Variants in CRPPA observed in about 807,000 individuals in gnomAD.
CRPPA encodes the protein CDP-L-ribitol pyrophosphorylase A, also known as D-ribitol-5-phosphate cytidylyltransferase.
CRPPA carries 43 observed loss-of-function variants against 52.0 expected under a neutral mutation model. The observed-to-expected ratio is 0.83, with a 90% confidence interval of 0.65 to 1.07. The LOEUF is 1.07. Among genes scored for constraint, CRPPA ranks in the 50% least tolerant of loss-of-function variants. The pLI, the probability that CRPPA is intolerant of heterozygous loss-of-function variation, is 0.00. For missense variants in CRPPA, 629 were observed against 551.7 expected, an observed-to-expected ratio of 1.14 and a Z score of -1.40; for synonymous variants, 250 against 203.5, an observed-to-expected ratio of 1.23 and a Z score of -1.94.
intron 9 of CRPPA, among the ~76,000 whole-genome samples, chr7:16,188,807 G>A (rs1781553438): frequency 6.6e-6 from 1 of 152,076 alleles, no homozygotes; most frequent in Non-Finnish European, 1.5e-5. Flanking sequence ...ACAATAATTT[G>A]AAGAGCAGCA....
chr7:16,258,371 C>T lies in CRPPA; in HGVS notation c.1119+19G>A, dbSNP rs755221887. On this transcript the variant is annotated intron_variant, in intron 8 of 9. Transcript: ENST00000407010. ...AAGGAAGCATAAGTTTGAGAAAAAT[C>T]TGCATTAATTTCACTTACTGAAACA... The T allele has an allele frequency of 4.1e-6, 6 of 1,464,618 alleles. No individual in the cohort carries two copies. Among genetic ancestry groups the T allele is most frequent in the Non-Finnish European group, 5.7e-6 (6 of 1,059,984 alleles). 90.7% of individuals were successfully genotyped at this position (1,464,618 alleles called of 1,614,324 possible).
chr7:16,218,777 C>T (rs1364958149), intron 8 of CRPPA, among the ~76,000 whole-genome samples: 28 of 136,408 alleles, frequency 2.1e-4, no homozygotes, highest in African/African-American at 7.6e-4. Flanking sequence ...TACAGGAGCA[C>T]CCAGATTCAT....
chr7:16,144,350 G>A (rs1782930477), intron 9 of CRPPA, among the ~76,000 whole-genome samples: 1 of 152,178 alleles, frequency 6.6e-6, no homozygotes, highest in South Asian at 2.1e-4. Context: ...TTCTACTTCA[G>A]TCCAAGGCAG....
chr7:16,280,556 A>T (rs896937401), intron 5 of CRPPA, among the ~76,000 whole-genome samples: 1 of 152,236 alleles, frequency 6.6e-6, no homozygotes, highest in Non-Finnish European at 1.5e-5. Context: ...AATGCATAAC[A>T]TTAAGAATAA....
chr7:16,351,267 G>A (rs545733303), intron 3 of CRPPA, among the ~76,000 whole-genome samples: 1 of 152,156 alleles, frequency 6.6e-6, no homozygotes, highest in Non-Finnish European at 1.5e-5. Flanking sequence ...ACTCAAGATG[G>A]ATTAAAGATT....
At chr7:16,128,329 T>C (rs1782619281) in intron 9 of CRPPA, among the ~76,000 whole-genome samples, 1 of 152,176 alleles carries the variant, frequency 6.6e-6, no homozygotes. Flanking sequence ...GATGTAATTT[T>C]ATAATTTAAA....
chr7:16,248,134 T>G (rs1034150590), intron 8 of CRPPA: 4 of 151,934 alleles, frequency 2.6e-5, no homozygotes, highest in Admixed American at 2.6e-4. Flanking sequence ...CAGGAGTTCA[T>G]GAACAGCCTG....
At chr7:16,313,294 C>A (rs925708760) in intron 3 of CRPPA, among the ~76,000 whole-genome samples, 1 of 151,796 alleles carries the variant, frequency 6.6e-6, no homozygotes, top group African/African-American at 2.4e-5. Context: ...TGATTTTGGG[C>A]TATTGTGTCT....
At chr7:16,148,345 T>C (rs972788480) in intron 9 of CRPPA, among the ~76,000 whole-genome samples, 22 of 152,300 alleles carry the variant, frequency 1.4e-4, no homozygotes, top group African/African-American at 4.6e-4. Context: ...CTATGTTTAA[T>C]GCAGCACTAT....
intron 8 of CRPPA, among the ~76,000 whole-genome samples, chr7:16,223,948 A>G (rs1782584545): frequency 6.6e-6 from 1 of 152,158 alleles, no homozygotes; most frequent in African/African-American, 2.4e-5. Flanking sequence ...AGTATTTCCC[A>G]TGCAGTGTGA....
chr7:16,221,240 A>C (rs1208058863), intron 8 of CRPPA, among the ~76,000 whole-genome samples: 1 of 152,230 alleles, frequency 6.6e-6, no homozygotes, highest in East Asian at 1.9e-4. Context: ...CTGGCTAGCC[A>C]TATGTAGAAA....
intron 2 of CRPPA, among the ~76,000 whole-genome samples, chr7:16,397,174 G>A (rs1316071822): frequency 2.0e-5 from 3 of 152,132 alleles, no homozygotes; most frequent in African/African-American, 7.3e-5. Context: ...CCAATGACAC[G>A]ACACATTATC....
intron 9 of CRPPA, among the ~76,000 whole-genome samples, chr7:16,121,895 T>C (rs7792344): frequency 0.022 from 3,303 of 152,222 alleles, 121 homozygotes; most frequent in African/African-American, 0.074. Flanking sequence ...CTGTTTTATA[T>C]TGAGAAATGA....
intron 9 of CRPPA, among the ~76,000 whole-genome samples, chr7:16,184,588 A>T (rs1318754762): frequency 6.6e-6 from 1 of 152,200 alleles, no homozygotes; most frequent in African/African-American, 2.4e-5. Flanking sequence ...GCTGCTTCTC[A>T]ATGGCAGAGA....
chr7:16,397,619 G>A (rs1787638531), intron 2 of CRPPA, among the ~76,000 whole-genome samples: 1 of 152,090 alleles, frequency 6.6e-6, no homozygotes, highest in Non-Finnish European at 1.5e-5. Context: ...CGTGACACGT[G>A]ACCAACACGT....
chr7:16,385,342 A>G (rs927587931), intron 2 of CRPPA, among the ~76,000 whole-genome samples: 5 of 152,192 alleles, frequency 3.3e-5, no homozygotes, highest in African/African-American at 9.7e-5. Context: ...AAAAATCCAC[A>G]TCTAGACACA....
At chr7:16,352,171 C>A (rs1786172128) in intron 3 of CRPPA, among the ~76,000 whole-genome samples, 1 of 151,922 alleles carries the variant, frequency 6.6e-6, no homozygotes, top group South Asian at 2.1e-4. Context: ...GAATAGAAAA[C>A]CAAACACCAC....
At chr7:16,200,465 T>G (rs935160652) in intron 9 of CRPPA, among the ~76,000 whole-genome samples, 5 of 152,214 alleles carry the variant, frequency 3.3e-5, no homozygotes, top group Non-Finnish European at 5.9e-5. Context: ...ACTACATGCA[T>G]GATCTAAATT....
At chr7:16,238,584 G>A (rs965996343) in intron 8 of CRPPA, among the ~76,000 whole-genome samples, 9 of 151,986 alleles carry the variant, frequency 5.9e-5, no homozygotes, top group African/African-American at 1.7e-4. Context: ...GTAAAAATTG[G>A]ACATAAAAAA....
Sources: gnomAD v4.1 joint callset for allele counts (sites outside exome capture counted in the v4.1 genomes callset) on GRCh38, gnomAD v4.1.1 for gene constraint, MANE v1.5 for transcripts, NCBI Gene and HGNC (gene_info 2026-07-23, HGNC 2026-07-21) for gene names.